The following DNMT3B variants were observed in gnomAD, a reference collection of about 807,000 sequenced individuals.
DNMT3B encodes DNA (cytosine-5)-methyltransferase 3B.
A neutral mutation model predicts 120.2 loss-of-function variants in DNMT3B; 37 were observed. The observed-to-expected ratio is 0.31, with a 90% CI of 0.24 to 0.40. The LOEUF is 0.40. Among genes scored for constraint, DNMT3B ranks in the 10% least tolerant of loss-of-function variants. The pLI is 1.00. For missense variants in DNMT3B, 878 were observed against 1,137.3 expected, an observed-to-expected ratio of 0.77 and a Z score of 3.28; for synonymous variants, 412 against 442.8, an observed-to-expected ratio of 0.93 and a Z score of 0.87.
chr20:32,772,027 C>T (rs1285339715), intron 1 of DNMT3B, among the ~76,000 whole-genome samples: 1 of 152,170 alleles, frequency 6.6e-6, no homozygotes, highest in African/African-American at 2.4e-5. Context: ...ATGCAGGTTT[C>T]TTGTTTTCAC....
At chr20:32,806,406 C>T in intron 22 of DNMT3B, 79 bp downstream of exon 22, 1 of 1,310,260 alleles carries the variant, frequency 7.6e-7, no homozygotes, top group Admixed American at 1.7e-5. Context: ...TGCTTACCTT[C>T]ATTCTTGATG....
chr20:32,794,338 G>C (rs1980348605), intron 10 of DNMT3B, among the ~76,000 whole-genome samples: 1 of 75,822 alleles, frequency 1.3e-5, no homozygotes, highest in Non-Finnish European at 2.1e-5. Flanking sequence ...CTGAGAACCT[G>C]TCTCAAAAAA....
At chr20:32,768,080 C>T (rs1451647353) in intron 1 of DNMT3B, among the ~76,000 whole-genome samples, 2 of 152,054 alleles carry the variant, frequency 1.3e-5, no homozygotes, top group East Asian at 1.9e-4. Context: ...TGCAGTGGTG[C>T]GATCACAGCT....
At position 32,808,563 on chromosome 20, in the gene DNMT3B, A is replaced by G. The variant is rs570434284; in HGVS notation, c.*660A>G. 1.3e-5 allele frequency: 3 copies of G among 232,270 alleles called. No individual in the cohort carries two copies. Among genetic ancestry groups the G allele is most frequent in the African/African-American group, 6.6e-5 (3 of 45,348 alleles). 14.4% of individuals were successfully genotyped at this position (232,270 alleles called of 1,614,324 possible). ...TGATTTCAGCAGGGATGACGTCATC[A>G]TCACATTCAGGGCTATTTTTTCCCC... is the stretch of plus-strand genomic sequence containing the variant. On this transcript the variant is annotated 3_prime_UTR_variant, in exon 23 of 23. Transcript: ENST00000328111.
At position 32,794,555 on chromosome 20, in the gene DNMT3B, G is replaced by C. The variant is rs2424917; in HGVS notation, c.1127-854G>C. On this transcript the variant is annotated intron_variant, in intron 10 of 22. Transcript: ENST00000328111. The stretch of plus-strand genomic sequence containing the variant: ...TAGCCAGGTGTGGTGCTGCATGCCT[G>C]TAACAGGCTGAGGCAGGAGAATTTC... Among the ~76,000 whole-genome samples the C allele has an allele frequency of 9.2e-3, 1,399 of 151,954 alleles. 19 individuals carry two copies. Among genetic ancestry groups the C allele is most frequent in the African/African-American group, 0.031 (1,287 of 41,436 alleles).
chr20:32,787,560 T>G, intron 6 of DNMT3B, 109 bp downstream of exon 6: 1 of 1,246,400 alleles, frequency 8.0e-7, no homozygotes, highest in Non-Finnish European at 1.1e-6. Flanking sequence ...GTTAGAAGTT[T>G]CGTAATTGTA....
intron 2 of DNMT3B, 42 bp downstream of exon 2, chr20:32,780,507 A>G (rs1338229641): frequency 1.9e-6 from 3 of 1,604,246 alleles, no homozygotes; most frequent in African/African-American, 2.7e-5. Context: ...AGGCGCTGAC[A>G]TAGTGAGCGG....
At chr20:32,787,748 C>T (rs934941450) in intron 6 of DNMT3B, among the ~76,000 whole-genome samples, 2 of 152,128 alleles carry the variant, frequency 1.3e-5, no homozygotes, top group African/African-American at 2.4e-5. Flanking sequence ...TTCATGTACG[C>T]CCGTGTGAAG....
chr20:32,769,123 C>T (rs937043200), intron 1 of DNMT3B, among the ~76,000 whole-genome samples: 9 of 152,090 alleles, frequency 5.9e-5, no homozygotes, highest in Admixed American at 1.3e-4. Context: ...CTTGCTCTGT[C>T]GCCCAGGCTG....
chr20:32,792,551 G>A, intron 8 of DNMT3B, 75 bp from the exon 9 acceptor site: 1 of 1,611,112 alleles, frequency 6.2e-7, no homozygotes, highest in Non-Finnish European at 8.5e-7. Flanking sequence ...GGCCCTGGCT[G>A]GGGGAATCCC....
intron 22 of DNMT3B, among the ~76,000 whole-genome samples, chr20:32,807,450 A>AT (rs765058787): frequency 9.2e-5 from 14 of 152,106 alleles, no homozygotes; most frequent in Non-Finnish European, 1.5e-4. Flanking sequence ...TTCTCCCATC[A>AT]TAGTGTTTTG....
At chr20:32,788,447 TC>T (rs1399453383) in intron 6 of DNMT3B, among the ~76,000 whole-genome samples, 2 of 152,154 alleles carry the variant, frequency 1.3e-5, no homozygotes, top group Non-Finnish European at 2.9e-5. Context: ...GTTGTTAGGA[TC>T]CCTTTTTTCT....
At chr20:32,765,291 G>A (rs1353710079) in intron 1 of DNMT3B, among the ~76,000 whole-genome samples, 2 of 152,054 alleles carry the variant, frequency 1.3e-5, no homozygotes, top group Non-Finnish European at 2.9e-5. Context: ...AAGAGACTGA[G>A]CAGATATGTC....
At chr20:32,781,487 G>A (rs567369870) in intron 3 of DNMT3B, 73 bp downstream of exon 3, 116 of 1,533,608 alleles carry the variant, frequency 7.6e-5, no homozygotes, top group Middle Eastern at 3.4e-4. Flanking sequence ...GGCTGCCTGA[G>A]GCCCATAAAA....
In DNMT3B at chr20:32,791,678, C is replaced by T; in HGVS notation, c.891C>T (p.Ser297=). Residue 297 remains serine (S), a synonymous_variant, in exon 8 of 23, where the codon TCC becomes TCT. Transcript: ENST00000328111. ...TGGCCACCTTCAATAAGCTCGTCTC[C>T]TATCGAAAAGCCATGTACCATGCTC... ...FNLATFNKLV[S]YRKAMYHALE... 3.1e-6 allele frequency: 5 copies of T among 1,614,118 alleles called. No individual in the cohort carries two copies. The highest frequency in any genetic ancestry group is 1.7e-5 in the Admixed American group (1 of 60,018).
chr20:32,776,709 A>G (rs1988089180), intron 1 of DNMT3B, among the ~76,000 whole-genome samples: 1 of 152,118 alleles, frequency 6.6e-6, no homozygotes, highest in Non-Finnish European at 1.5e-5. Context: ...CCTGACACAT[A>G]GTAACACTGA....
intron 3 of DNMT3B, 122 bp from the exon 4 acceptor site, chr20:32,784,636 A>G: frequency 9.6e-7 from 1 of 1,039,480 alleles, no homozygotes; most frequent in Non-Finnish European, 1.5e-6. Context: ...GTGTGTTGTG[A>G]TGAGTGACCC....
intron 1 of DNMT3B, among the ~76,000 whole-genome samples, chr20:32,767,296 C>T (rs1315436977): frequency 6.6e-6 from 1 of 150,544 alleles, no homozygotes; most frequent in Admixed American, 6.6e-5. Context: ...CGTGTTCCCG[C>T]CAATATTAAG....
chr20:32,791,498 TAA>T, intron 7 of DNMT3B, 101 bp from the exon 8 acceptor site: 2 of 1,124,258 alleles, frequency 1.8e-6, no homozygotes, highest in Non-Finnish European at 2.7e-6. Flanking sequence ...GTCTCTTGGT[TAA>T]AGTGTGTGAA....
Sources: gnomAD v4.1 joint callset for allele counts (sites outside exome capture counted in the v4.1 genomes callset) on GRCh38, gnomAD v4.1.1 for gene constraint, MANE v1.5 for transcripts, NCBI Gene and HGNC (gene_info 2026-07-23, HGNC 2026-07-21) for gene names.